SAMM50: variants seen among roughly 807,000 people sequenced by gnomAD.
SAMM50 encodes the protein sorting and assembly machinery component 50 homolog.
A neutral mutation model predicts 66.9 loss-of-function variants in SAMM50; 47 were observed. The observed-to-expected ratio is 0.70, with a 90% CI of 0.56 to 0.90. The LOEUF (loss-of-function observed/expected upper bound fraction) is 0.90. Among genes scored for constraint, SAMM50 ranks in the 40% least tolerant of loss-of-function variants. The pLI is 0.00. For synonymous variants in SAMM50, 191 were observed against 214.1 expected (o/e 0.89, Z 0.94); for missense variants, 535 against 595.3 (o/e 0.90, Z 1.05).
intron 10 of SAMM50, 150 bp downstream of exon 10, chr22:43,978,108 G>T: frequency 1.7e-6 from 1 of 588,714 alleles, no homozygotes; most frequent in South Asian, 2.1e-5. Context: ...AGCCAGATTT[G>T]CAGGTAGTCT....
At chr22:43,985,681 G>T (rs2050288635) in intron 12 of SAMM50, among the ~76,000 whole-genome samples, 1 of 151,966 alleles carries the variant, frequency 6.6e-6, no homozygotes, top group Non-Finnish European at 1.5e-5. Flanking sequence ...GGTTGTTGTG[G>T]ACAGCTTCTG....
chr22:43,975,989 A>G (rs1303401773), intron 7 of SAMM50, 66 bp from the exon 8 acceptor site: 5 of 1,520,644 alleles, frequency 3.3e-6, no homozygotes, highest in Non-Finnish European at 4.5e-6. Context: ...TTCATTCCAA[A>G]AAATGATTTG....
chr22:43,978,420 G>T (rs2050245115), intron 10 of SAMM50, among the ~76,000 whole-genome samples: 1 of 108,776 alleles, frequency 9.2e-6, no homozygotes, highest in African/African-American at 3.9e-5. Flanking sequence ...GGGTGACAGA[G>T]AGACTCCTTC....
intron 14 of SAMM50, 185 bp from the exon 15 acceptor site, chr22:43,996,153 G>T (rs927053017): frequency 2.5e-5 from 18 of 710,262 alleles, no homozygotes; most frequent in Non-Finnish European, 3.8e-5. Context: ...GCTGGTGAAG[G>T]TTCTTAACCA....
intron 14 of SAMM50, chr22:43,996,051 A>G (rs996036190): frequency 8.5e-6 from 4 of 473,016 alleles, no homozygotes; most frequent in Non-Finnish European, 1.6e-5. Context: ...CTCCGTCCGG[A>G]GAGGGGAACG....
chr22:43,984,751 C>G (rs548438480), intron 12 of SAMM50, among the ~76,000 whole-genome samples: 1 of 152,130 alleles, frequency 6.6e-6, no homozygotes, highest in Non-Finnish European at 1.5e-5. Context: ...GCCTCAGCCC[C>G]CTGAGTAGCT....
chr22:43,981,576 A>G, intron 11 of SAMM50, 115 bp downstream of exon 11: 1 of 673,008 alleles, frequency 1.5e-6, no homozygotes, highest in South Asian at 1.7e-5. Flanking sequence ...TATTTCAAAT[A>G]TTCCTTTAGT....
chr22:43,957,310 C>A, intron 1 of SAMM50: 1 of 636,160 alleles, frequency 1.6e-6, no homozygotes. Flanking sequence ...GGCTGTTGGA[C>A]ACAGAATCCG....
chr22:43,962,840 A>G (rs2050153170), intron 1 of SAMM50, among the ~76,000 whole-genome samples: 1 of 143,516 alleles, frequency 7.0e-6, no homozygotes, highest in South Asian at 2.2e-4. Context: ...TCCTTCATCC[A>G]TGACATGTCA....
At chr22:43,972,738 A>G (rs2050209966) in intron 5 of SAMM50, 133 bp from the exon 6 acceptor site, 2 of 844,104 alleles carry the variant, frequency 2.4e-6, no homozygotes, top group Non-Finnish European at 1.9e-6. Context: ...ATTACAAATG[A>G]AAGACTAGAT....
chr22:43,964,639 G>A, intron 3 of SAMM50, 86 bp downstream of exon 3: 1 of 719,954 alleles, frequency 1.4e-6, no homozygotes. Flanking sequence ...AGAGCACCCT[G>A]CGCCCGGCCT....
At chr22:43,981,664 TTATTA>T (rs1486533769) in intron 11 of SAMM50, among the ~76,000 whole-genome samples, 4 of 152,252 alleles carry the variant, frequency 2.6e-5, no homozygotes, top group Non-Finnish European at 4.4e-5. Flanking sequence ...GGAAGTTACT[TTATTA>T]TATTTAAAAT....
At chr22:43,990,937 C>G (rs1391881371) in intron 14 of SAMM50, among the ~76,000 whole-genome samples, 1 of 152,006 alleles carries the variant, frequency 6.6e-6, no homozygotes, top group African/African-American at 2.4e-5. Flanking sequence ...GCTAGTTACA[C>G]AGTTATATAA....
chr22:43,968,209 A>T (rs2050183392), intron 3 of SAMM50, among the ~76,000 whole-genome samples: 1 of 144,694 alleles, frequency 6.9e-6, no homozygotes, highest in African/African-American at 2.6e-5. Flanking sequence ...CCTGGGCAGC[A>T]GAGCGAAACT....
At chr22:43,978,159 G>A (rs1229237774) in intron 10 of SAMM50, among the ~76,000 whole-genome samples, 2 of 152,052 alleles carry the variant, frequency 1.3e-5, no homozygotes, top group Admixed American at 6.5e-5. Context: ...AGTAACCTCT[G>A]ATGGCCGGGC....
chr22:43,988,752 A>G (rs898265725), intron 12 of SAMM50: 1 of 174,580 alleles, frequency 5.7e-6, no homozygotes, highest in African/African-American at 2.4e-5. Flanking sequence ...AATGCATTTC[A>G]TTTGCAGGTG....
chr22:43,984,776 A>T (rs58222967), intron 12 of SAMM50, among the ~76,000 whole-genome samples: 2 of 151,330 alleles, frequency 1.3e-5, no homozygotes, highest in African/African-American at 4.9e-5. Flanking sequence ...TTACAGGCAC[A>T]CACCACCACG....
At chr22:43,960,140 A>G (rs2050140590) in intron 1 of SAMM50, among the ~76,000 whole-genome samples, 1 of 152,228 alleles carries the variant, frequency 6.6e-6, no homozygotes, top group South Asian at 2.1e-4. Context: ...CATTCAGATT[A>G]AGATGAGTAT....
chr22:43,969,814 A>G (rs1157225497), intron 4 of SAMM50, among the ~76,000 whole-genome samples: 1 of 151,860 alleles, frequency 6.6e-6, no homozygotes, highest in African/African-American at 2.4e-5. Flanking sequence ...AGGTTGGGGG[A>G]ATGGAGTGCT....
Sources: gnomAD v4.1 joint callset for allele counts (sites outside exome capture counted in the v4.1 genomes callset) on GRCh38, gnomAD v4.1.1 for gene constraint, MANE v1.5 for transcripts, NCBI Gene and HGNC (gene_info 2026-07-23, HGNC 2026-07-21) for gene names.